SLC22A25: variants seen among roughly 807,000 people sequenced by gnomAD.
The protein encoded by SLC22A25 is MGI:2442751, MGI:2385316, MGI:3042283, MGI:3645714, MGI:3605624, MGI:2442750.
Under a neutral mutation model 45.9 loss-of-function variants are expected in SLC22A25, and 44 were observed. That is an observed-to-expected ratio of 0.96 (90% CI 0.75 to 1.23). SLC22A25 has a LOEUF of 1.23. SLC22A25 is among the 50% of genes most tolerant of loss of function. The probability of loss-of-function intolerance (pLI) is 0.00; values close to 1 mark genes in which losing one functional copy is unlikely to be tolerated. For missense variants in SLC22A25, 800 were observed against 666.4 expected (o/e 1.20, Z -2.21); for synonymous variants, 283 against 238.6 (o/e 1.19, Z -1.72).
At chr11:63,202,272 A>T (rs1254991792) in intron 7 of SLC22A25, among the ~76,000 whole-genome samples, 1 of 151,306 alleles carries the variant, frequency 6.6e-6, no homozygotes, top group African/African-American at 2.4e-5. Flanking sequence ...TTAATACCCC[A>T]GTGGTGCCTG....
In SLC22A25 at chr11:63,163,874, T is replaced by C. The variant is rs1234837559; in HGVS notation, c.1594A>G (p.Asn532Asp). 6.2e-7 allele frequency: 1 copy of C among 1,613,850 alleles called. No individual in the cohort carries two copies. Among genetic ancestry groups the C allele is most frequent in the Admixed American group, 1.7e-5 (1 of 59,996 alleles). ...GCAGCTAGGCTATTTACTCCCTCAT[T>C]TTCCACATCCTGGATGCTGTCAAGA... ...PLLDSIQDVE[N>D]EGVNSLAAPQ... Residue 532 changes from asparagine (N) to aspartate (D), a missense_variant, in exon 12 of 12, where the codon AAT (asparagine) becomes GAT (aspartate). Physicochemically the swap from Asn to Asp is conservative, Grantham distance 23. Coordinates refer to ENST00000306494, the MANE Select transcript of SLC22A25 (RefSeq NM_199352.6).
Position 63,229,493 on chromosome 11 carries a change from G to T in SLC22A25, c.160C>A (p.Leu54Met), listed in dbSNP as rs753160640. Reference protein sequence around the residue: ...ILDHRCWVHILDNDTIPDNDP... With the variant: ...ILDHRCWVHIMDNDTIPDNDP... ...TTGTCAGGGATAGTGTCATTGTCCA[G>T]TATATGAACCCAGCAGCGATGATCA... The change falls in exon 4 of 12, where the codon CTG becomes ATG. Residue 54 changes from leucine to methionine, a missense_variant. By Grantham distance (15) the Leu-to-Met change is conservative. Transcript: ENST00000306494. 1.2e-6 allele frequency: 2 copies of T among 1,614,158 alleles called. No homozygotes were observed. Among genetic ancestry groups the T allele is most frequent in the Admixed American group, 1.7e-5 (1 of 60,022 alleles).
In SLC22A25 at chr11:63,180,795, A is replaced by G. The variant is rs192650359; in HGVS notation, c.955-20T>C. 1.4e-4 allele frequency: 228 copies of G among 1,574,402 alleles called. No individual in the cohort carries two copies. The African/African-American group carries it at 2.6e-3, about 18-fold the overall frequency. ...CAAAACCTTCAACAACAACAGAAGCAATAAACTGTTCAGTTGTCACAAAAT... is the reference window on the plus strand; with the variant it reads ...CAAAACCTTCAACAACAACAGAAGCGATAAACTGTTCAGTTGTCACAAAAT... On this transcript the variant is annotated intron_variant, in intron 8 of 11. Coordinates refer to ENST00000306494, the MANE Select transcript of SLC22A25 (RefSeq NM_199352.6).
chr11:63,163,374 A>G lies in SLC22A25; in HGVS notation c.*450T>C, dbSNP rs2087569823. 6.6e-6 allele frequency among the ~76,000 whole-genome samples: 1 copy of G among 152,118 alleles called. No individual in the cohort carries two copies. The highest frequency in any genetic ancestry group is 1.5e-5 in the Non-Finnish European group (1 of 68,022). ...ATAGACTGAATCTCACATGTGATAC[A>G]AAAGGACTTCTCATCTGTGGGAGGG... On this transcript the variant is annotated 3_prime_UTR_variant, in exon 12 of 12. Coordinates refer to ENST00000306494, the MANE Select transcript of SLC22A25 (RefSeq NM_199352.6).
intron 3 of SLC22A25, among the ~76,000 whole-genome samples, chr11:63,234,116 G>T (rs1240944641): frequency 6.6e-6 from 1 of 152,196 alleles, no homozygotes; most frequent in African/African-American, 2.4e-5. Context: ...ATATTCTGTT[G>T]ATTTGGGGTG....
intron 3 of SLC22A25, among the ~76,000 whole-genome samples, chr11:63,235,705 A>C (rs1015264158): frequency 6.6e-6 from 1 of 152,114 alleles, no homozygotes; most frequent in Non-Finnish European, 1.5e-5. Context: ...GTTCCTTTAG[A>C]GAGGAGAGGT....
rs575704342 is a variant in SLC22A25, at chr11:63,238,951, T to C, written c.-811A>G. 5.5e-4 allele frequency: 103 copies of C among 187,512 alleles called. 1 individual carries two copies. Among genetic ancestry groups the C allele is most frequent in the African/African-American group, 2.3e-3 (98 of 42,558 alleles). 11.6% of individuals were successfully genotyped at this position (187,512 alleles called of 1,614,324 possible). On this transcript the variant is annotated 5_prime_UTR_variant, in exon 2 of 12. An upstream start codon of the reference 5' UTR is lost. Coordinates refer to ENST00000306494, the MANE Select transcript of SLC22A25 (RefSeq NM_199352.6). The stretch of plus-strand genomic sequence containing the variant: ...AGTTTCTTCGTCCAAGACGATGACA[T>C]TGTCTATGATGTGCACCTAGCAGTG...
intron 3 of SLC22A25, among the ~76,000 whole-genome samples, chr11:63,234,735 A>G (rs1347233420): frequency 1.3e-5 from 2 of 152,126 alleles, no homozygotes; most frequent in African/African-American, 2.4e-5. Flanking sequence ...CCTAGCCTTG[A>G]TGGTCTTTAC....
At chr11:63,179,254 G>A (rs2088231609) in intron 9 of SLC22A25, among the ~76,000 whole-genome samples, 1 of 152,066 alleles carries the variant, frequency 6.6e-6, no homozygotes, top group African/African-American at 2.4e-5. Flanking sequence ...ACTGTGCCTG[G>A]TCTATATCTC....
At chr11:63,226,943 G>C (rs1260318701) in intron 5 of SLC22A25, among the ~76,000 whole-genome samples, 1 of 152,150 alleles carries the variant, frequency 6.6e-6, no homozygotes, top group African/African-American at 2.4e-5. Context: ...GGCCCATGTG[G>C]AATACTTCCA....
At chr11:63,243,247 A>G (rs534876697) in intron 1 of SLC22A25, 187 bp downstream of exon 1, 2 of 362,348 alleles carry the variant, frequency 5.5e-6, no homozygotes, top group Non-Finnish European at 1.1e-5. Flanking sequence ...CCAGCCGTAC[A>G]TGCACAGGAT....
intron 3 of SLC22A25, among the ~76,000 whole-genome samples, chr11:63,236,360 G>C (rs1287065157): frequency 6.6e-6 from 1 of 152,168 alleles, no homozygotes; most frequent in Non-Finnish European, 1.5e-5. Context: ...CCCTCCCCCA[G>C]CCTTGCTGCC....
chr11:63,190,255 T>A (rs1487788495), intron 7 of SLC22A25, among the ~76,000 whole-genome samples: 1 of 152,112 alleles, frequency 6.6e-6, no homozygotes, highest in Non-Finnish European at 1.5e-5. Flanking sequence ...TTTTTACTCT[T>A]TTTTCTCTAC....
chr11:63,176,871 T>A (rs1309715541), intron 9 of SLC22A25, among the ~76,000 whole-genome samples: 1 of 152,036 alleles, frequency 6.6e-6, no homozygotes, highest in East Asian at 1.9e-4. Context: ...TATGCTCTCG[T>A]GTTGCTCATT....
chr11:63,196,738 G>A (rs1266492657), intron 7 of SLC22A25, among the ~76,000 whole-genome samples: 2 of 152,160 alleles, frequency 1.3e-5, no homozygotes, highest in Non-Finnish European at 2.9e-5. Context: ...TCAACACAGT[G>A]TTGGAAGTTC....
chr11:63,223,255 G>A (rs2089890700), intron 5 of SLC22A25, among the ~76,000 whole-genome samples: 1 of 151,994 alleles, frequency 6.6e-6, no homozygotes, highest in South Asian at 2.1e-4. Context: ...TCAGGTCCCA[G>A]GCTTTTCCTT....
rs1437177375 is a variant in SLC22A25, at chr11:63,180,591, C to T, written c.1070+69G>A. 5 of 1,082,480 alleles carry T rather than the reference C, an allele frequency of 4.6e-6. No individual in the cohort carries two copies. In the African/African-American group the frequency reaches 6.4e-5, roughly 14 times the overall value. 67.1% of individuals were successfully genotyped at this position (1,082,480 alleles called of 1,614,324 possible). On this transcript the variant is annotated intron_variant, in intron 9 of 11. Transcript: ENST00000306494. ...AATATTTTCCTTCAACATGTTGTATCATTTGAAATAAGAAATGGATTTATG... is the reference window on the plus strand; with the variant it reads ...AATATTTTCCTTCAACATGTTGTATTATTTGAAATAAGAAATGGATTTATG...
chr11:63,185,537 T>TTTTA (rs1554972322), intron 7 of SLC22A25, among the ~76,000 whole-genome samples: 4 of 150,256 alleles, frequency 2.7e-5, no homozygotes, highest in Non-Finnish European at 4.4e-5. Flanking sequence ...TATTTTTATT[T>TTTTA]TTTATTTATT....
At chr11:63,221,812 C>A (rs1432866699) in intron 5 of SLC22A25, among the ~76,000 whole-genome samples, 1 of 151,846 alleles carries the variant, frequency 6.6e-6, no homozygotes, top group Admixed American at 6.6e-5. Flanking sequence ...TTATATATGG[C>A]CAAAGATAGG....
Sources: allele counts gnomAD v4.1 joint callset (sites outside exome capture counted in the v4.1 genomes callset), GRCh38; gene constraint gnomAD v4.1.1; transcripts MANE v1.5; gene names NCBI Gene and HGNC (gene_info 2026-07-23, HGNC 2026-07-21).